Variants in EYS observed in about 807,000 individuals in gnomAD.
The protein encoded by EYS is EGF-like photoreceptor maintenance factor.
In EYS, 250 loss-of-function variants were observed where a neutral mutation model predicts 282.1. The ratio of observed to expected loss-of-function variants is 0.89; its 90% CI spans 0.80 to 0.98. EYS has a LOEUF of 0.98. Ranked by LOEUF, EYS falls within the 50% of genes least tolerant of loss-of-function variation. The pLI, the probability that EYS is intolerant of heterozygous loss-of-function variation, is 0.00. For synonymous variants in EYS, 1,355 were observed against 1,282.9 expected (o/e 1.06, Z -1.20); for missense variants, 4,016 against 3,709.0 (o/e 1.08, Z -2.15).
intron 29 of EYS, among the ~76,000 whole-genome samples, chr6:64,375,197 T>C (rs865845566): frequency 1.5e-4 from 23 of 152,200 alleles, no homozygotes; most frequent in African/African-American, 5.3e-4. Context: ...TCCAATCCTG[T>C]GGTCATTTAG....
chr6:65,331,658 A>G, intron 11 of EYS: 1 of 980,650 alleles, frequency 1.0e-6, no homozygotes, highest in Non-Finnish European at 1.2e-6. Flanking sequence ...AGAAAAAAGG[A>G]AATAACATCA....
At chr6:65,207,922 A>G (rs1188982405) in intron 12 of EYS, among the ~76,000 whole-genome samples, 2 of 151,820 alleles carry the variant, frequency 1.3e-5, no homozygotes, top group Non-Finnish European at 3.0e-5. Context: ...TAGAAGTCCT[A>G]GAAGAAAACC....
chr6:63,907,481 C>G (rs1159219945), intron 35 of EYS, among the ~76,000 whole-genome samples: 1 of 152,154 alleles, frequency 6.6e-6, no homozygotes, highest in Non-Finnish European at 1.5e-5. Flanking sequence ...CTCAAGATCT[C>G]CTAAGCCAGT....
At chr6:64,745,490 C>T (rs1209065318) in intron 22 of EYS, among the ~76,000 whole-genome samples, 1 of 152,006 alleles carries the variant, frequency 6.6e-6, no homozygotes, top group Non-Finnish European at 1.5e-5. Context: ...TATTGTATAA[C>T]CATCACCTCT....
intron 1 of EYS, among the ~76,000 whole-genome samples, chr6:65,697,813 A>G (rs1241601776): frequency 6.6e-6 from 1 of 152,156 alleles, no homozygotes; most frequent in Non-Finnish European, 1.5e-5. Context: ...AGAGCCTGTC[A>G]GTATGCCCAT....
chr6:64,981,345 G>A (rs892474151), intron 14 of EYS, among the ~76,000 whole-genome samples: 1 of 151,228 alleles, frequency 6.6e-6, no homozygotes, highest in Non-Finnish European at 1.5e-5. Context: ...TCTTTTTAGA[G>A]TAAAAATCAA....
intron 12 of EYS, among the ~76,000 whole-genome samples, chr6:65,139,951 T>A (rs72879897): frequency 0.38 from 57,381 of 151,890 alleles, 12,058 homozygotes; most frequent in African/African-American, 0.57. Context: ...GATGATTTTT[T>A]AAAATATCCA....
chr6:65,024,510 G>A (rs1772339819), intron 13 of EYS, among the ~76,000 whole-genome samples: 1 of 152,140 alleles, frequency 6.6e-6, no homozygotes, highest in South Asian at 2.1e-4. Context: ...TCTTCAGAAT[G>A]CCCATGTGCT....
intron 22 of EYS, among the ~76,000 whole-genome samples, chr6:64,741,366 G>A (rs547433004): frequency 9.2e-5 from 14 of 152,106 alleles, no homozygotes; most frequent in African/African-American, 2.4e-4. Flanking sequence ...TGTCATCCAC[G>A]CTTTGTTCCA....
intron 22 of EYS, among the ~76,000 whole-genome samples, chr6:64,789,825 C>A (rs936154954): frequency 1.3e-5 from 2 of 151,656 alleles, no homozygotes; most frequent in African/African-American, 4.8e-5. Flanking sequence ...CAGTAAGTAT[C>A]TGATAAGCCA....
chr6:64,489,191 A>G (rs967855202), intron 26 of EYS, among the ~76,000 whole-genome samples: 9 of 150,914 alleles, frequency 6.0e-5, no homozygotes, highest in Non-Finnish European at 1.0e-4. Flanking sequence ...ATGTAAGAAA[A>G]TATGTTCACA....
intron 12 of EYS, among the ~76,000 whole-genome samples, chr6:65,140,996 A>T (rs1236676679): frequency 6.6e-6 from 1 of 151,864 alleles, no homozygotes; most frequent in Non-Finnish European, 1.5e-5. Flanking sequence ...TACTGGGTAT[A>T]GACCCAAAGG....
chr6:64,023,711 T>G (rs1402433090), intron 33 of EYS, among the ~76,000 whole-genome samples: 2 of 152,226 alleles, frequency 1.3e-5, no homozygotes, highest in African/African-American at 4.8e-5. Flanking sequence ...CGCTGCACTG[T>G]GGGAGCCCCT....
intron 37 of EYS, among the ~76,000 whole-genome samples, chr6:63,797,016 T>A (rs1348333548): frequency 6.6e-6 from 1 of 152,208 alleles, no homozygotes; most frequent in Non-Finnish European, 1.5e-5. Context: ...TCTGGAGGAA[T>A]GTTTTGTGAA....
chr6:65,007,096 T>C (rs1311923339), intron 13 of EYS, among the ~76,000 whole-genome samples: 2 of 152,154 alleles, frequency 1.3e-5, no homozygotes, highest in Non-Finnish European at 2.9e-5. Flanking sequence ...TCCCTTTTTT[T>C]GTGGTCAAGA....
intron 33 of EYS, among the ~76,000 whole-genome samples, chr6:64,023,327 G>C (rs2079190863): frequency 6.6e-6 from 1 of 152,204 alleles, no homozygotes; most frequent in Admixed American, 6.5e-5. Flanking sequence ...GTATCTGTTT[G>C]AATCCCTGTT....
intron 13 of EYS, among the ~76,000 whole-genome samples, chr6:65,046,734 A>T (rs1359044070): frequency 6.6e-6 from 1 of 151,924 alleles, no homozygotes; most frequent in Non-Finnish European, 1.5e-5. Context: ...ATTCATTTAA[A>T]TGTGAAAAGT....
At chr6:65,616,207 C>T (rs1480256469) in intron 2 of EYS, among the ~76,000 whole-genome samples, 1 of 152,108 alleles carries the variant, frequency 6.6e-6, no homozygotes, top group African/African-American at 2.4e-5. Flanking sequence ...GATGTAATGA[C>T]ATTTTTCTAG....
At chr6:64,680,154 C>A (rs1241640876) in intron 22 of EYS, among the ~76,000 whole-genome samples, 2 of 151,990 alleles carry the variant, frequency 1.3e-5, no homozygotes, top group African/African-American at 2.4e-5. Flanking sequence ...TTGGGAAAGA[C>A]TATTTGTATG....
Sources: gnomAD v4.1 joint callset for allele counts (sites outside exome capture counted in the v4.1 genomes callset) on GRCh38, gnomAD v4.1.1 for gene constraint, MANE v1.5 for transcripts, NCBI Gene and HGNC (gene_info 2026-07-23, HGNC 2026-07-21) for gene names.